The following C19orf44 variants were observed in gnomAD, a reference collection of about 807,000 sequenced individuals.
The protein encoded by C19orf44 is chromosome 19 open reading frame 44, also known as uncharacterized protein C19orf44.
A neutral mutation model predicts 50.7 loss-of-function variants in C19orf44; 43 were observed. That is an observed-to-expected ratio of 0.85 (90% confidence interval 0.66 to 1.09). The LOEUF (loss-of-function observed/expected upper bound fraction) is 1.09. Among genes scored for constraint, C19orf44 ranks in the 50% least tolerant of loss-of-function variants. The pLI is 0.00. For synonymous variants in C19orf44, 298 were observed against 334.7 expected (o/e 0.89, Z 1.20); for missense variants, 722 against 836.2 (o/e 0.86, Z 1.68).
At position 16,501,455 on chromosome 19, in the gene C19orf44, G is replaced by T. The variant is rs1380753846; in HGVS notation, c.663G>T (p.Leu221Phe). The stretch of plus-strand genomic sequence containing the variant: ...GTGACGAAGAAGAAATGAAAGTATT[G>T]CTAGGAAGCTTGATGGACTCTTCTA... ...PDSDEEEMKV[L>F]LGSLMDSSRE... Residue 221 changes from leucine (L) to phenylalanine (F), a missense_variant, in exon 2 of 9, where the codon TTG becomes TTT. Leu to Phe is a conservative substitution (Grantham distance 22). Coordinates refer to ENST00000221671, the MANE Select transcript of C19orf44 (RefSeq NM_032207.4). 4 of 1,613,292 alleles carry T rather than the reference G, an allele frequency of 2.5e-6. No individual in the cohort carries two copies. The highest frequency in any genetic ancestry group is 3.4e-6 in the Non-Finnish European group (4 of 1,179,796).
intron 3 of C19orf44, among the ~76,000 whole-genome samples, 163 bp downstream of exon 3, chr19:16,503,543 T>A (rs190399714): frequency 1.3e-5 from 2 of 152,192 alleles, no homozygotes; most frequent in East Asian, 3.9e-4. Context: ...AGGGGCCAAG[T>A]CCGATTTTTG....
At chr19:16,515,985 A>T (rs975892392) in intron 7 of C19orf44, among the ~76,000 whole-genome samples, 2 of 152,116 alleles carry the variant, frequency 1.3e-5, no homozygotes, top group African/African-American at 2.4e-5. Flanking sequence ...TTTAGTAGAG[A>T]CAGGGTTTCT....
intron 5 of C19orf44, 88 bp from the exon 6 acceptor site, chr19:16,512,926 C>A: frequency 1.9e-6 from 2 of 1,032,612 alleles, no homozygotes; most frequent in Non-Finnish European, 1.4e-6. Flanking sequence ...AACAAGGTCA[C>A]GTAGTTTATT....
intron 1 of C19orf44, 32 bp downstream of exon 1, chr19:16,496,497 T>G (rs995718939): frequency 6.3e-6 from 2 of 315,792 alleles, no homozygotes; most frequent in African/African-American, 2.2e-5. Context: ...GTGACCTAGC[T>G]GGGCGTCCGG....
At position 16,501,402 on chromosome 19, in the gene C19orf44, C is replaced by A. The variant is rs767434785; in HGVS notation, c.610C>A (p.Pro204Thr). Residue 204 changes from proline to threonine, a missense_variant, in exon 2 of 9, where the codon CCT becomes ACT. Transcript: ENST00000221671. ...TTTGCAAACCCCCAAACAGAAAGAA[C>A]CTGCTAGAACATTTGATTCTCCAGA... ...RTLQTPKQKEPARTFDSPDSD... is the reference protein window; with the variant it reads ...RTLQTPKQKETARTFDSPDSD... 3.7e-6 allele frequency: 6 copies of A among 1,613,732 alleles called. No individual in the cohort carries two copies. Among genetic ancestry groups the A allele is most frequent in the African/African-American group, 1.3e-5 (1 of 74,880 alleles).
chr19:16,500,645 G>T, intron 1 of C19orf44, 147 bp from the exon 2 acceptor site: 2 of 797,238 alleles, frequency 2.5e-6, no homozygotes, highest in Admixed American at 6.0e-5. Flanking sequence ...ACCCAGCCTG[G>T]TCATTTTCAT....
Position 16,519,359 on chromosome 19 carries a change from A to G in C19orf44, c.*41-735A>G. 1 of 1,608,472 alleles carries G rather than the reference A, an allele frequency of 6.2e-7. No homozygotes were observed. The highest frequency in any genetic ancestry group is 8.5e-7 in the Non-Finnish European group (1 of 1,178,550). On this transcript the variant is annotated intron_variant, in intron 8 of 8. Transcript: ENST00000221671. This position sits in a 1 kb window ranked among gnomAD's most constrained non-coding sequence, Gnocchi z 6.0. ...CCGCCTGAGCCGCTCCAGCCTGGAA[A>G]CAGAGACGCAGTCACAACCACAACA...
At chr19:16,512,594 G>T (rs1180825689) in intron 5 of C19orf44, among the ~76,000 whole-genome samples, 1 of 152,114 alleles carries the variant, frequency 6.6e-6, no homozygotes, top group Non-Finnish European at 1.5e-5. Flanking sequence ...GTAAAGAAGG[G>T]CCGGGTGCGG....
In C19orf44 at chr19:16,517,320, T is replaced by C; in HGVS notation, c.*19T>C. 6.2e-7 allele frequency: 1 copy of C among 1,611,050 alleles called. No homozygotes were observed. Among genetic ancestry groups the C allele is most frequent in the Non-Finnish European group, 8.5e-7 (1 of 1,177,466 alleles). ...GCTGTGAGCGCCAGCAGGTGGAGCT[T>C]GACGTGACGTCTTAACAAAAGGTAT... On this transcript the variant is annotated 3_prime_UTR_variant, in exon 8 of 9. Coordinates refer to ENST00000221671, the MANE Select transcript of C19orf44 (RefSeq NM_032207.4).
At chr19:16,502,975 A>T in intron 2 of C19orf44, 90 bp from the exon 3 acceptor site, 1 of 1,229,932 alleles carries the variant, frequency 8.1e-7, no homozygotes, top group Non-Finnish European at 1.1e-6. Flanking sequence ...CAACAGAGTG[A>T]GACCCTTTCT....
intron 7 of C19orf44, among the ~76,000 whole-genome samples, chr19:16,515,391 A>G (rs2093468754): frequency 6.6e-6 from 1 of 152,184 alleles, no homozygotes; most frequent in Non-Finnish European, 1.5e-5. Flanking sequence ...ATTACCAAAA[A>G]TTACGTGGCT....
chr19:16,499,899 C>T (rs1399380779), intron 1 of C19orf44, among the ~76,000 whole-genome samples: 1 of 151,962 alleles, frequency 6.6e-6, no homozygotes, highest in African/African-American at 2.4e-5. Context: ...AAGCGATTCT[C>T]CTGCCTCAGC....
chr19:16,519,806 G>T lies in C19orf44; in HGVS notation c.*41-288G>T. 1 of 1,096,832 alleles carries T rather than the reference G, an allele frequency of 9.1e-7. No homozygotes were observed. Among genetic ancestry groups the T allele is most frequent in the South Asian group, 1.3e-5 (1 of 79,334 alleles). The allele number at this position is 1,096,832 out of a possible 1,614,324, so 67.9% of individuals were successfully genotyped here. ...AGGACCTCACAGCCGCAGCTTGCGT[G>T]CATGCTCACTGTCACCAGGTGACAC... is the stretch of plus-strand genomic sequence containing the variant. On this transcript the variant is annotated intron_variant, in intron 8 of 8. Coordinates refer to ENST00000221671, the MANE Select transcript of C19orf44 (RefSeq NM_032207.4). The surrounding 1 kb of genome is among the most constrained non-coding windows in gnomAD (Gnocchi z 6.0).
At position 16,521,339 on chromosome 19, in the gene C19orf44, G is replaced by A. The variant is rs554056645; in HGVS notation, c.*1286G>A. The A allele has an allele frequency of 8.5e-6, 5 of 590,410 alleles. No individual in the cohort carries two copies. Among genetic ancestry groups the A allele is most frequent in the Admixed American group, 6.4e-5 (2 of 31,194 alleles). The allele number at this position is 590,410 out of a possible 1,614,324, so 36.6% of individuals were successfully genotyped here. On this transcript the variant is annotated 3_prime_UTR_variant, in exon 9 of 9. Coordinates refer to ENST00000221671, the MANE Select transcript of C19orf44 (RefSeq NM_032207.4). ...TCTTCTGATGTGTCTCCATTAAAAC[G>A]CCCTTCATTGAGGGCCACGTGTGTG...
chr19:16,520,426 T>A lies in C19orf44; in HGVS notation c.*373T>A, dbSNP rs1485682176. The stretch of plus-strand genomic sequence containing the variant: ...GCGACCTTGACCTTGAGTACGAGCC[T>A]GAAGACTTGGAGGATCTTGAGTTGG... On this transcript the variant is annotated 3_prime_UTR_variant, in exon 9 of 9. Transcript: ENST00000221671. The surrounding 1 kb of genome is among the most constrained non-coding windows in gnomAD (Gnocchi z 4.0). 1.2e-6 allele frequency: 2 copies of A among 1,614,068 alleles called. No individual in the cohort carries two copies. The highest frequency in any genetic ancestry group is 3.3e-5 in the Admixed American group (2 of 60,014).
At position 16,520,722 on chromosome 19, in the gene C19orf44, G is replaced by A. The variant is rs1428283382; in HGVS notation, c.*669G>A. The A allele has an allele frequency of 8.0e-7, 1 of 1,256,708 alleles. No individual in the cohort carries two copies. Among genetic ancestry groups the A allele is most frequent in the African/African-American group, 1.5e-5 (1 of 67,898 alleles). The allele number at this position is 1,256,708 out of a possible 1,614,324, so 77.8% of individuals were successfully genotyped here. Reference sequence around the variant, plus strand: ...TGGAAAACACCGCCCCATAGGCACAGGCTGTGTGAGGGTGGACGTGATGAG... The same window carrying A: ...TGGAAAACACCGCCCCATAGGCACAAGCTGTGTGAGGGTGGACGTGATGAG... On this transcript the variant is annotated 3_prime_UTR_variant, in exon 9 of 9. Coordinates refer to ENST00000221671, the MANE Select transcript of C19orf44 (RefSeq NM_032207.4). This position sits in a 1 kb window ranked among gnomAD's most constrained non-coding sequence, Gnocchi z 4.0.
Position 16,503,342 on chromosome 19 carries a change from A to ACG in C19orf44, c.1038_1039dup (p.Glu347AlafsTer17). The ACG allele has an allele frequency of 6.2e-7, 1 of 1,606,738 alleles. No individual in the cohort carries two copies. The highest frequency in any genetic ancestry group is 8.5e-7 in the Non-Finnish European group (1 of 1,177,376). ...GGAAGGAGTGAGGCTGAGACTGTGG[A>ACG]CGAGCCAGTCTCAGAAGGTGCTGAT... On this transcript the variant is annotated frameshift_variant, in exon 3 of 9. Coordinates refer to ENST00000221671, the MANE Select transcript of C19orf44 (RefSeq NM_032207.4). LOFTEE classifies it high-confidence loss of function.
At position 16,501,292 on chromosome 19, in the gene C19orf44, A is replaced by T. The variant is rs751613344; in HGVS notation, c.500A>T (p.Asn167Ile). 3.1e-6 allele frequency: 5 copies of T among 1,614,040 alleles called. No individual in the cohort carries two copies. In the African/African-American group the frequency reaches 6.7e-5, roughly 22 times the overall value. The part of the protein sequence containing the change: ...ELPVTENNAQ[N>I]AKVSRFLKKK... ...CCTGTCACCGAAAATAATGCACAGAACGCGAAGGTCAGTAGGTTTCTAAAG... is the reference window on the plus strand; with the variant it reads ...CCTGTCACCGAAAATAATGCACAGATCGCGAAGGTCAGTAGGTTTCTAAAG... Residue 167 changes from asparagine (N) to isoleucine (I), a missense_variant, in exon 2 of 9, where the codon AAC becomes ATC. Asn to Ile is a moderately radical substitution (Grantham distance 149, BLOSUM62 -3). Transcript: ENST00000221671.
intron 4 of C19orf44, 45 bp from the exon 5 acceptor site, chr19:16,509,454 A>T (rs1346488830): frequency 6.6e-7 from 1 of 1,523,050 alleles, no homozygotes; most frequent in African/African-American, 1.4e-5. Context: ...GCATGTTGAT[A>T]TTTCCAAAAC....
Sources: allele counts gnomAD v4.1 joint callset (sites outside exome capture counted in the v4.1 genomes callset), GRCh38; gene constraint gnomAD v4.1.1; non-coding constraint Gnocchi (gnomAD v3.1); transcripts MANE v1.5; gene names NCBI Gene and HGNC (gene_info 2026-07-23, HGNC 2026-07-21).